The following MEI4 variants were observed in gnomAD, a reference collection of about 807,000 sequenced individuals.
MEI4 encodes the protein meiosis-specific protein MEI4.
A neutral mutation model predicts 31.4 loss-of-function variants in MEI4; 27 were observed. The observed-to-expected ratio is 0.86, with a 90% CI of 0.63 to 1.19. MEI4 has a LOEUF of 1.19. Among genes scored for constraint, MEI4 ranks in the 50% most tolerant of loss-of-function variants. The pLI, the probability that MEI4 is intolerant of heterozygous loss-of-function variation, is 0.00. For synonymous variants in MEI4, 122 were observed against 145.4 expected (o/e 0.84, Z 1.16); for missense variants, 329 against 398.9 (o/e 0.82, Z 1.49).
At chr6:77,746,558 G>A (rs1767611131) in intron 2 of MEI4, among the ~76,000 whole-genome samples, 1 of 151,920 alleles carries the variant, frequency 6.6e-6, no homozygotes, top group South Asian at 2.1e-4. Flanking sequence ...TCTCCAGCTT[G>A]CTGACTGCAG....
chr6:77,827,619 A>G (rs1440939436), intron 3 of MEI4, among the ~76,000 whole-genome samples: 1 of 152,114 alleles, frequency 6.6e-6, no homozygotes, highest in African/African-American at 2.4e-5. Context: ...AGCTTCTTAA[A>G]TACAGGAAGA....
intron 2 of MEI4, among the ~76,000 whole-genome samples, chr6:77,695,535 G>T (rs534968328): frequency 0.013 from 1,995 of 152,218 alleles, 65 homozygotes; most frequent in African/African-American, 0.044. Flanking sequence ...TTTCCCCAAT[G>T]CTTGTTTTTG....
rs577555772 is a variant in MEI4 at position 77,892,028 on chromosome 6, C to A, written c.901-31061C>A. 3.3e-5 allele frequency among the ~76,000 whole-genome samples: 5 copies of A among 152,310 alleles called. No individual in the cohort carries two copies. In the South Asian group the frequency reaches 8.3e-4, roughly 25 times the overall value. On this transcript the variant is annotated intron_variant, in intron 4 of 4. Coordinates refer to ENST00000684080, the MANE Select transcript of MEI4 (RefSeq NM_001322247.2). ...GTTTGCCAGTTCTCTGGCCCCCAGG[C>A]AGTGTCCACTGACACCAGTGGTAAT...
chr6:77,760,504 C>CT (rs924247645), intron 2 of MEI4, among the ~76,000 whole-genome samples: 16 of 152,216 alleles, frequency 1.1e-4, no homozygotes, highest in Admixed American at 1.0e-3. Context: ...TTACTTTATA[C>CT]TTTCTGTGGA....
chr6:77,922,703 A>ATTGTT (rs1766732510), intron 4 of MEI4, among the ~76,000 whole-genome samples: 2 of 151,680 alleles, frequency 1.3e-5, no homozygotes, highest in African/African-American at 2.4e-5. Context: ...CTACTCTGGG[A>ATTGTT]TTGTTTTATA....
At chr6:77,737,142 A>G (rs890253589) in intron 2 of MEI4, among the ~76,000 whole-genome samples, 2 of 152,256 alleles carry the variant, frequency 1.3e-5, no homozygotes, top group East Asian at 3.8e-4. Context: ...ATTTTCCAAC[A>G]GGAAAATAAA....
intron 4 of MEI4, among the ~76,000 whole-genome samples, chr6:77,862,004 C>T (rs929298995): frequency 6.6e-6 from 1 of 151,162 alleles, no homozygotes; most frequent in African/African-American, 2.4e-5. Context: ...AAACATCATT[C>T]TAGGACATGT....
rs9448198 is a variant in MEI4, at chr6:77,746,776, A to G, written c.233-14354A>G. 7.0e-3 allele frequency among the ~76,000 whole-genome samples: 1,058 copies of G among 152,094 alleles called. 13 individuals are homozygous for G. Among genetic ancestry groups the G allele is most frequent in the African/African-American group, 0.024 (998 of 41,488 alleles). The stretch of plus-strand genomic sequence containing the variant: ...TGCTTTCACTGTATGTGGAGGGTAA[A>G]AGAGAGAAAGGAGCCAAGGATGGTT... On this transcript the variant is annotated intron_variant, in intron 2 of 4. Transcript: ENST00000684080.
chr6:77,775,890 G>A (rs541359761), intron 3 of MEI4, among the ~76,000 whole-genome samples: 2 of 152,130 alleles, frequency 1.3e-5, no homozygotes, highest in Non-Finnish European at 2.9e-5. Context: ...CATTCTTGCA[G>A]GAGCAAGGTG....
intron 4 of MEI4, among the ~76,000 whole-genome samples, chr6:77,909,617 T>A (rs919128938): frequency 6.6e-6 from 1 of 152,144 alleles, no homozygotes; most frequent in Non-Finnish European, 1.5e-5. Context: ...ACAGCCAAAT[T>A]CTACCAGACG....
intron 4 of MEI4, among the ~76,000 whole-genome samples, chr6:77,833,816 T>G (rs1770140882): frequency 6.6e-6 from 1 of 152,142 alleles, no homozygotes; most frequent in South Asian, 2.1e-4. Flanking sequence ...CCCAGGTGTA[T>G]GATGTTCCCC....
chr6:77,675,511 A>G (rs781662508), intron 1 of MEI4, among the ~76,000 whole-genome samples: 21 of 151,468 alleles, frequency 1.4e-4, no homozygotes, highest in Admixed American at 2.0e-4. Flanking sequence ...TTAGATGGTT[A>G]AGATGAAACA....
intron 3 of MEI4, among the ~76,000 whole-genome samples, chr6:77,805,576 G>A (rs980394251): frequency 6.6e-6 from 1 of 152,042 alleles, no homozygotes; most frequent in African/African-American, 2.4e-5. Context: ...TTTATAAGTT[G>A]TAGAGAAATA....
chr6:77,742,512 G>A lies in MEI4; in HGVS notation c.233-18618G>A, dbSNP rs529623523. ...TTTATTTGAGTTCATTGTAGATTCT[G>A]GATATTAGCCCCTTGGTGAGATGAG... On this transcript the variant is annotated intron_variant, in intron 2 of 4. Transcript: ENST00000684080. Among the ~76,000 whole-genome samples the A allele has an allele frequency of 4.6e-5, 7 of 152,238 alleles. No individual in the cohort carries two copies. In the East Asian group the frequency reaches 1.4e-3, roughly 29 times the overall value.
At chr6:77,742,809 G>T (rs1340904893) in intron 2 of MEI4, among the ~76,000 whole-genome samples, 1 of 151,972 alleles carries the variant, frequency 6.6e-6, no homozygotes, top group Admixed American at 6.5e-5. Flanking sequence ...AAGGTGTAAG[G>T]AAGGGATCCA....
chr6:77,654,462 A>T (rs1768351763), intron 1 of MEI4, among the ~76,000 whole-genome samples: 1 of 151,342 alleles, frequency 6.6e-6, no homozygotes, highest in Admixed American at 6.6e-5. Context: ...TTTTGGTTAG[A>T]GCAAATTCAG....
At chr6:77,898,375 G>A (rs1182859119) in intron 4 of MEI4, among the ~76,000 whole-genome samples, 3 of 152,036 alleles carry the variant, frequency 2.0e-5, no homozygotes, top group Non-Finnish European at 4.4e-5. Flanking sequence ...CATGTTGAAT[G>A]CATTCTTTTA....
intron 4 of MEI4, among the ~76,000 whole-genome samples, chr6:77,834,083 C>T (rs1289705088): frequency 6.6e-6 from 1 of 152,040 alleles, no homozygotes; most frequent in Non-Finnish European, 1.5e-5. Context: ...CCAACCTGGA[C>T]CCCATTAAAA....
At chr6:77,892,177 G>T (rs1765975980) in intron 4 of MEI4, among the ~76,000 whole-genome samples, 1 of 152,162 alleles carries the variant, frequency 6.6e-6, no homozygotes, top group Non-Finnish European at 1.5e-5. Context: ...TGGGTGTGGT[G>T]GTGGTGGTAG....
Sources: gnomAD v4.1 joint callset for allele counts (sites outside exome capture counted in the v4.1 genomes callset) on GRCh38, gnomAD v4.1.1 for gene constraint, MANE v1.5 for transcripts, NCBI Gene and HGNC (gene_info 2026-07-23, HGNC 2026-07-21) for gene names.